Variants in CEP128 observed in about 807,000 individuals in gnomAD.
The protein encoded by CEP128 is centrosomal protein 128.
CEP128 carries 132 observed loss-of-function variants against 156.7 expected under a neutral mutation model. The observed-to-expected ratio is 0.84, with a 90% CI of 0.73 to 0.97. The LOEUF (loss-of-function observed/expected upper bound fraction) is 0.97. Ranked by LOEUF, CEP128 falls within the 50% of genes least tolerant of loss-of-function variation. The probability of loss-of-function intolerance (pLI) is 0.00; values close to 1 mark genes in which losing one functional copy is unlikely to be tolerated. For synonymous variants in CEP128, 469 were observed against 448.9 expected (o/e 1.04, Z -0.57); for missense variants, 1,252 against 1,281.9 (o/e 0.98, Z 0.36).
intron 18 of CEP128, among the ~76,000 whole-genome samples, chr14:80,754,467 T>C (rs1899544491): frequency 6.8e-6 from 1 of 147,364 alleles, no homozygotes; most frequent in African/African-American, 2.5e-5. Context: ...TTCTTTTTTT[T>C]TTTTTTTTTT....
chr14:80,895,465 G>T (rs552188278), intron 8 of CEP128, among the ~76,000 whole-genome samples: 12 of 152,180 alleles, frequency 7.9e-5, no homozygotes, highest in African/African-American at 2.9e-4. Context: ...AACAAATGTT[G>T]ACTGTAATAT....
At chr14:80,777,495 C>A (rs964448651) in intron 16 of CEP128, among the ~76,000 whole-genome samples, 3 of 152,150 alleles carry the variant, frequency 2.0e-5, no homozygotes, top group Non-Finnish European at 4.4e-5. Context: ...TCTGTTATAG[C>A]AGCTCAAACA....
chr14:80,868,594 C>A (rs947966948), intron 8 of CEP128, among the ~76,000 whole-genome samples: 14 of 151,860 alleles, frequency 9.2e-5, no homozygotes, highest in Admixed American at 9.2e-4. Context: ...AATGAAGAAA[C>A]TATAAAACAT....
Position 80,792,901 on chromosome 14 carries a change from C to G in CEP128, c.1419G>C (p.Glu473Asp). The G allele has an allele frequency of 6.2e-7, 1 of 1,614,194 alleles. No homozygotes were observed. Among genetic ancestry groups the G allele is most frequent in the Non-Finnish European group, 8.5e-7 (1 of 1,180,034 alleles). ...SELQQSEALKEEAEKRREDLK... is the reference protein window; with the variant it reads ...SELQQSEALKDEAEKRREDLK... Reference sequence around the variant, plus strand: ...GGTCTTCCCTCCTCTTCTCCGCCTCCTCTTTCAGAGCCTCTGACTGCTGGA... The same window carrying G: ...GGTCTTCCCTCCTCTTCTCCGCCTCGTCTTTCAGAGCCTCTGACTGCTGGA... Residue 473 changes from glutamate (E) to aspartate (D), a missense_variant, in exon 14 of 25, where the codon GAG becomes GAC. By Grantham distance (45) the Glu-to-Asp change is conservative (BLOSUM62 2). Transcript: ENST00000555265.
intron 21 of CEP128, among the ~76,000 whole-genome samples, chr14:80,557,579 T>C (rs1329324019): frequency 6.6e-6 from 1 of 152,174 alleles, no homozygotes; most frequent in African/African-American, 2.4e-5. Flanking sequence ...GTAAAATATA[T>C]GTGGAAGAAC....
chr14:80,590,030 C>T (rs147000070), intron 19 of CEP128, among the ~76,000 whole-genome samples: 12 of 152,064 alleles, frequency 7.9e-5, no homozygotes, highest in South Asian at 2.1e-4. Flanking sequence ...CTCAGGAATC[C>T]GCTTCACATA....
At chr14:80,579,010 A>T (rs1891475515) in intron 20 of CEP128, among the ~76,000 whole-genome samples, 1 of 152,212 alleles carries the variant, frequency 6.6e-6, no homozygotes. Context: ...TATTTAATAA[A>T]CATTTGAGAG....
At chr14:80,720,203 A>G (rs1897763007) in intron 19 of CEP128, among the ~76,000 whole-genome samples, 1 of 152,168 alleles carries the variant, frequency 6.6e-6, no homozygotes, top group Non-Finnish European at 1.5e-5. Flanking sequence ...AGGCCAGCAT[A>G]AAATGTGTCA....
At chr14:80,864,916 T>C (rs970841868) in intron 8 of CEP128, among the ~76,000 whole-genome samples, 4 of 152,226 alleles carry the variant, frequency 2.6e-5, no homozygotes, top group East Asian at 1.9e-4. Context: ...AATATACATA[T>C]ACATTGTGAA....
intron 8 of CEP128, among the ~76,000 whole-genome samples, chr14:80,872,988 A>G (rs1241000947): frequency 6.6e-6 from 1 of 152,204 alleles, no homozygotes; most frequent in African/African-American, 2.4e-5. Context: ...TCGTGCAATT[A>G]TGAGACAATC....
Position 80,785,372 on chromosome 14 carries a change from T to C in CEP128, c.1734A>G (p.Glu578=), listed in dbSNP as rs2139809548. Residue 578 remains glutamate, a synonymous_variant, in exon 15 of 25, where the codon GAA becomes GAG. Transcript: ENST00000555265. ...TATCCAGGGAATTCTTAACTTCCAA[T>C]TCAAGGTCAGCTTGATGAGACTTAA... The part of the protein sequence containing the change: ...RDIKSHQADL[E]LEVKNSLDTI... 1 of 1,614,178 alleles carries C rather than the reference T, an allele frequency of 6.2e-7. No homozygotes were observed. The highest frequency in any genetic ancestry group is 1.1e-5 in the South Asian group (1 of 91,084).
At chr14:80,650,953 CCTT>C (rs1894875868) in intron 19 of CEP128, among the ~76,000 whole-genome samples, 2 of 152,036 alleles carry the variant, frequency 1.3e-5, no homozygotes, top group Non-Finnish European at 2.9e-5. Context: ...AGGGAGGAGT[CCTT>C]CTTTTTCTAT....
intron 16 of CEP128, among the ~76,000 whole-genome samples, chr14:80,764,121 T>C (rs903588230): frequency 6.6e-6 from 1 of 152,244 alleles, no homozygotes; most frequent in Non-Finnish European, 1.5e-5. Flanking sequence ...AAGACAAAAC[T>C]ACTTCAATCT....
intron 8 of CEP128, among the ~76,000 whole-genome samples, chr14:80,873,167 A>G (rs1888111671): frequency 6.6e-6 from 1 of 152,242 alleles, no homozygotes; most frequent in Non-Finnish European, 1.5e-5. Context: ...CAGAGGGGAT[A>G]GCTGGGTAAA....
chr14:80,650,438 A>G (rs1012771786), intron 19 of CEP128, among the ~76,000 whole-genome samples: 8 of 152,168 alleles, frequency 5.3e-5, no homozygotes, highest in Non-Finnish European at 1.0e-4. Context: ...CCGTGGCCAG[A>G]ACTTCCAAAA....
intron 20 of CEP128, among the ~76,000 whole-genome samples, chr14:80,571,273 T>C (rs1891130581): frequency 6.6e-6 from 1 of 152,174 alleles, no homozygotes; most frequent in South Asian, 2.1e-4. Context: ...TCGTGACCAA[T>C]GTATTGGTTC....
rs568852358 is a variant in CEP128, at chr14:80,643,343, C to T, written c.2807-62920G>A. On this transcript the variant is annotated intron_variant, in intron 19 of 24. Transcript: ENST00000555265. ...CATGCCCATCAATAATGGAGGCCAG[C>T]GGCACCACAGCAGTCAGCAGGGACA... 7.2e-5 allele frequency among the ~76,000 whole-genome samples: 11 copies of T among 152,240 alleles called. No individual in the cohort carries two copies. The South Asian group carries it at 8.3e-4, about 11-fold the overall frequency.
At chr14:80,958,990 G>A (rs1465670582) in intron 1 of CEP128, among the ~76,000 whole-genome samples, 2 of 152,136 alleles carry the variant, frequency 1.3e-5, no homozygotes, top group South Asian at 2.1e-4. Flanking sequence ...TGATGGTGCC[G>A]AGAACAACTC....
chr14:80,569,249 AAATT>A (rs1891040998), intron 20 of CEP128, among the ~76,000 whole-genome samples: 1 of 152,200 alleles, frequency 6.6e-6, no homozygotes, highest in Non-Finnish European at 1.5e-5. Flanking sequence ...TTCCTTACCC[AAATT>A]AAAGTCACAA....
Sources: allele counts gnomAD v4.1 joint callset (sites outside exome capture counted in the v4.1 genomes callset), GRCh38; gene constraint gnomAD v4.1.1; transcripts MANE v1.5; gene names NCBI Gene and HGNC (gene_info 2026-07-23, HGNC 2026-07-21).